Variants in SPIDR observed in about 807,000 individuals in gnomAD.
SPIDR encodes the protein DNA repair-scaffolding protein.
In SPIDR, 93 loss-of-function variants were observed where a neutral mutation model predicts 104.6. That is an observed-to-expected ratio of 0.89 (90% CI 0.75 to 1.06). The LOEUF is 1.06. SPIDR is among the 50% of genes least tolerant of loss of function. SPIDR has a pLI of 0.00. For missense variants in SPIDR, 1,154 were observed against 1,111.2 expected, an observed-to-expected ratio of 1.04 and a Z score of -0.55; for synonymous variants, 431 against 416.9, an observed-to-expected ratio of 1.03 and a Z score of -0.41.
rs1028331352 is a variant in SPIDR, at chr8:47,301,399, A to G, written c.525+7369A>G. Among the ~76,000 whole-genome samples the G allele has an allele frequency of 1.7e-4, 26 of 152,136 alleles. No individual in the cohort carries two copies. In the East Asian group the frequency reaches 1.7e-3, roughly 10 times the overall value. On this transcript the variant is annotated intron_variant, in intron 5 of 19. Transcript: ENST00000297423. ...CTGATGGGTCTTGACTCTTTATCCA[A>G]TTTGCCAGTCTGTGTCTTTTTATTG... is the stretch of plus-strand genomic sequence containing the variant.
chr8:47,344,472 G>T (rs191539289), intron 5 of SPIDR, among the ~76,000 whole-genome samples: 6 of 152,232 alleles, frequency 3.9e-5, no homozygotes, highest in Admixed American at 2.6e-4. Context: ...ATAATCCTTT[G>T]GGTATATACC....
intron 3 of SPIDR, among the ~76,000 whole-genome samples, chr8:47,289,821 A>G (rs1359355893): frequency 2.6e-5 from 4 of 152,218 alleles, no homozygotes; most frequent in Non-Finnish European, 5.9e-5. Flanking sequence ...GTTCATAAGC[A>G]GCTTTGTTCA....
chr8:47,470,231 G>A (rs2075488597), intron 8 of SPIDR, among the ~76,000 whole-genome samples: 1 of 152,036 alleles, frequency 6.6e-6, no homozygotes, highest in Non-Finnish European at 1.5e-5. Flanking sequence ...AGAATAGAGG[G>A]CCCACAAATA....
chr8:47,429,765 CTT>C (rs201858332), intron 7 of SPIDR, among the ~76,000 whole-genome samples: 1 of 139,860 alleles, frequency 7.2e-6, no homozygotes. Context: ...GTTATTTCCA[CTT>C]TTTTTTTTTT....
chr8:47,372,786 C>CTAA (rs2058192573), intron 5 of SPIDR, among the ~76,000 whole-genome samples: 1 of 152,120 alleles, frequency 6.6e-6, no homozygotes. Flanking sequence ...ATATTGCATA[C>CTAA]TAATGGTGAT....
intron 5 of SPIDR, among the ~76,000 whole-genome samples, chr8:47,387,282 C>A (rs1198870869): frequency 6.6e-6 from 1 of 152,138 alleles, no homozygotes; most frequent in Non-Finnish European, 1.5e-5. Flanking sequence ...GGCTTAGAGA[C>A]CACAGGGCAG....
At position 47,275,406 on chromosome 8, in the gene SPIDR, TA is replaced by T. The variant is rs554222149; in HGVS notation, c.34-4455del. On this transcript the variant is annotated intron_variant, in intron 1 of 19. Transcript: ENST00000297423. ...TATATATATTTAAAAATTTGTACATTATTTTTTTTAAATTTAATGTCATTAG... is the reference window on the plus strand; with the variant it reads ...TATATATATTTAAAAATTTGTACATTTTTTTTTTAAATTTAATGTCATTAG... 3.5e-4 allele frequency among the ~76,000 whole-genome samples: 54 copies of T among 152,274 alleles called. 1 individual carries two copies. The highest frequency in any genetic ancestry group is 1.2e-3 in the South Asian group (6 of 4,828).
intron 5 of SPIDR, among the ~76,000 whole-genome samples, chr8:47,337,465 TC>T (rs1554610451): frequency 6.6e-6 from 1 of 152,196 alleles, no homozygotes; most frequent in African/African-American, 2.4e-5. Flanking sequence ...TTGTCAGAGT[TC>T]CGTATGTATT....
intron 8 of SPIDR, among the ~76,000 whole-genome samples, chr8:47,513,718 A>G (rs1040143437): frequency 1.3e-5 from 2 of 152,166 alleles, no homozygotes; most frequent in African/African-American, 4.8e-5. Context: ...GGCAAGCAAA[A>G]TATGTGGCTG....
intron 11 of SPIDR, among the ~76,000 whole-genome samples, chr8:47,678,042 A>T (rs571785662): frequency 3.7e-4 from 56 of 151,722 alleles, no homozygotes; most frequent in Non-Finnish European, 7.5e-4. Flanking sequence ...CCACCTCAAA[A>T]AAAAAAAAAA....
At position 47,418,059 on chromosome 8, in the gene SPIDR, A is replaced by T. The variant is rs1588442329; in HGVS notation, c.877+10098A>T. The stretch of plus-strand genomic sequence containing the variant: ...GTATAGTTTGAAGTCAGGTAGCGTG[A>T]TGCCTCCAGCTTTGTTCTTTTGGCT... On this transcript the variant is annotated intron_variant, in intron 7 of 19. Coordinates refer to ENST00000297423, the MANE Select transcript of SPIDR (RefSeq NM_001080394.4). Among the ~76,000 whole-genome samples, 3 of 152,190 alleles carry T rather than the reference A, an allele frequency of 2.0e-5. 1 individual carries two copies. The highest frequency in any genetic ancestry group is 2.0e-4 in the Admixed American group (3 of 15,272).
intron 10 of SPIDR, among the ~76,000 whole-genome samples, chr8:47,665,749 G>A (rs2074822872): frequency 6.6e-6 from 1 of 152,130 alleles, no homozygotes; most frequent in Non-Finnish European, 1.5e-5. Context: ...GGGATTCCCT[G>A]GCATTCTTGG....
intron 8 of SPIDR, chr8:47,592,520 C>T: frequency 7.2e-7 from 1 of 1,393,482 alleles, no homozygotes; most frequent in Non-Finnish European, 1.0e-6. Context: ...ACAGGCATTG[C>T]TCTCATCTGG....
intron 14 of SPIDR, among the ~76,000 whole-genome samples, chr8:47,704,167 A>T (rs1433810024): frequency 1.3e-5 from 2 of 152,212 alleles, no homozygotes; most frequent in African/African-American, 4.8e-5. Flanking sequence ...GCCAGCACAT[A>T]GAGTCTTGCC....
chr8:47,342,255 A>G (rs1170922829), intron 5 of SPIDR, among the ~76,000 whole-genome samples: 5 of 144,800 alleles, frequency 3.5e-5, no homozygotes, highest in African/African-American at 5.1e-5. Flanking sequence ...CTACCTGTTT[A>G]GTTGTCATGG....
intron 10 of SPIDR, among the ~76,000 whole-genome samples, chr8:47,658,732 C>T (rs558733092): frequency 1.3e-5 from 2 of 151,614 alleles, no homozygotes; most frequent in Non-Finnish European, 2.9e-5. Context: ...GTCAGGAGTT[C>T]GAGACCAGCC....
chr8:47,389,437 C>G (rs1170324937), intron 5 of SPIDR, among the ~76,000 whole-genome samples: 1 of 152,020 alleles, frequency 6.6e-6, no homozygotes, highest in Non-Finnish European at 1.5e-5. Context: ...CACCTGTAAT[C>G]CCAGCACTTT....
chr8:47,712,954 C>G (rs556527467), intron 15 of SPIDR, 82 bp downstream of exon 15: 22 of 1,577,132 alleles, frequency 1.4e-5, no homozygotes, highest in Non-Finnish European at 1.7e-5. Context: ...CTGGATGCCT[C>G]CTTGTTGCTT....
chr8:47,428,015 C>T (rs1351964689), intron 7 of SPIDR, among the ~76,000 whole-genome samples: 4 of 152,342 alleles, frequency 2.6e-5, no homozygotes, highest in African/African-American at 7.2e-5. Context: ...CTCTGCCTCC[C>T]GTGTTCAAGT....
Sources: allele counts gnomAD v4.1 joint callset (sites outside exome capture counted in the v4.1 genomes callset), GRCh38; gene constraint gnomAD v4.1.1; transcripts MANE v1.5; gene names NCBI Gene and HGNC (gene_info 2026-07-23, HGNC 2026-07-21).